The following CBY1 variants were observed in gnomAD, a reference collection of about 807,000 sequenced individuals.
The protein encoded by CBY1 is protein chibby homolog 1.
CBY1 carries 10 observed loss-of-function variants against 15.6 expected under a neutral mutation model. The observed-to-expected ratio is 0.64, with a 90% CI of 0.40 to 1.09. The LOEUF (loss-of-function observed/expected upper bound fraction) is 1.09, where lower values mean the gene tolerates loss of function less well. CBY1 is among the 50% of genes least tolerant of loss of function. The pLI is 0.01. For synonymous variants in CBY1, 61 were observed against 63.5 expected, an observed-to-expected ratio of 0.96 and a Z score of 0.19; for missense variants, 150 against 160.5, an observed-to-expected ratio of 0.93 and a Z score of 0.35.
At chr22:38,657,806 A>G (rs2092405358) in intron 1 of CBY1, among the ~76,000 whole-genome samples, 2 of 152,202 alleles carry the variant, frequency 1.3e-5, no homozygotes, top group South Asian at 4.1e-4. Context: ...GGCCCAGTGC[A>G]GTTAGCATCA....
At chr22:38,669,238 A>G (rs756447165) in intron 2 of CBY1, among the ~76,000 whole-genome samples, 11 of 152,080 alleles carry the variant, frequency 7.2e-5, no homozygotes, top group Non-Finnish European at 1.5e-4. Context: ...GGAGCAGCAC[A>G]AATGACCCTT....
chr22:38,668,402 C>T lies in CBY1; in HGVS notation c.78+270C>T, dbSNP rs781502320. 3 of 310,206 alleles carry T rather than the reference C, an allele frequency of 9.7e-6. No individual in the cohort carries two copies. In the Admixed American group the frequency reaches 1.5e-4, roughly 15 times the overall value. The allele number at this position is 310,206 out of a possible 1,614,324, so 19.2% of individuals were successfully genotyped here. Reference sequence around the variant, plus strand: ...TTTTCTTTTTTGAGATGGAGTCTCACTCCCGTCCCACAGGCTAGGGTGCAG... The same window carrying T: ...TTTTCTTTTTTGAGATGGAGTCTCATTCCCGTCCCACAGGCTAGGGTGCAG... On this transcript the variant is annotated intron_variant, in intron 2 of 4. Coordinates refer to ENST00000216029, the MANE Select transcript of CBY1 (RefSeq NM_015373.4).
At position 38,673,142 on chromosome 22, in the gene CBY1, C is replaced by T. The variant is rs528214176; in HGVS notation, c.304-17C>T. On this transcript the variant is annotated splice_polypyrimidine_tract_variant and intron_variant, in intron 4 of 4. Coordinates refer to ENST00000216029, the MANE Select transcript of CBY1 (RefSeq NM_015373.4). ...TAGAAATGTGCTGCTTGCTAACAGC[C>T]GCTGCTTCACTTTCAGCTTTCAGAG... 86 of 1,588,042 alleles carry T rather than the reference C, an allele frequency of 5.4e-5. No individual in the cohort carries two copies. The East Asian group carries it at 1.5e-3, about 28-fold the overall frequency.
chr22:38,659,465 G>T (rs1237503108), intron 1 of CBY1, among the ~76,000 whole-genome samples: 1 of 152,024 alleles, frequency 6.6e-6, no homozygotes, highest in Non-Finnish European at 1.5e-5. Flanking sequence ...GGCCAGGCTG[G>T]TCTCAAACTC....
At chr22:38,664,480 A>AG (rs2092430760) in intron 1 of CBY1, among the ~76,000 whole-genome samples, 2 of 151,878 alleles carry the variant, frequency 1.3e-5, no homozygotes, top group Admixed American at 6.6e-5. Flanking sequence ...CAAAAAAAAA[A>AG]AAAAAAAGCA....
intron 1 of CBY1, among the ~76,000 whole-genome samples, chr22:38,662,466 TATC>T (rs1176372201): frequency 6.6e-6 from 1 of 151,650 alleles, no homozygotes; most frequent in Non-Finnish European, 1.5e-5. Context: ...TAACAGAAAA[TATC>T]ATCATGACCT....
chr22:38,667,057 C>T, intron 1 of CBY1, among the ~76,000 whole-genome samples: 1 of 151,484 alleles, frequency 6.6e-6, no homozygotes. Flanking sequence ...TTGACTCAGG[C>T]TGGAGTGCAG....
At chr22:38,658,037 GTTCA>G (rs1355301736) in intron 1 of CBY1, among the ~76,000 whole-genome samples, 1 of 151,974 alleles carries the variant, frequency 6.6e-6, no homozygotes, top group Non-Finnish European at 1.5e-5. Context: ...AAAATGACAA[GTTCA>G]TTCAAGTCAG....
chr22:38,660,658 A>G (rs1265943128), intron 1 of CBY1, among the ~76,000 whole-genome samples: 1 of 152,102 alleles, frequency 6.6e-6, no homozygotes, highest in African/African-American at 2.4e-5. Context: ...AGACGCATAT[A>G]CACCTTCAGC....
chr22:38,667,077 C>A (rs753756397), intron 1 of CBY1, among the ~76,000 whole-genome samples: 3 of 151,800 alleles, frequency 2.0e-5, no homozygotes, highest in Non-Finnish European at 4.4e-5. Context: ...GTGGCATGAT[C>A]ATAGCTCACT....
At chr22:38,663,740 G>A (rs1346142078) in intron 1 of CBY1, among the ~76,000 whole-genome samples, 4 of 150,202 alleles carry the variant, frequency 2.7e-5, no homozygotes, top group African/African-American at 9.8e-5. Flanking sequence ...AGCAAAAAGA[G>A]GTCGGGCGCA....
intron 2 of CBY1, 23 bp from the exon 3 acceptor site, chr22:38,670,861 G>C: frequency 6.4e-7 from 1 of 1,573,606 alleles, no homozygotes; most frequent in Non-Finnish European, 8.7e-7. Context: ...TGCTGAAGTT[G>C]TCACATAGCA....
chr22:38,662,954 T>G (rs1444114303), intron 1 of CBY1, among the ~76,000 whole-genome samples: 3 of 151,954 alleles, frequency 2.0e-5, no homozygotes, highest in Non-Finnish European at 4.4e-5. Context: ...ACACCATCTC[T>G]GCTAAAAGTA....
chr22:38,660,966 C>G (rs867539164), intron 1 of CBY1, among the ~76,000 whole-genome samples: 1 of 152,058 alleles, frequency 6.6e-6, no homozygotes, highest in East Asian at 1.9e-4. Context: ...TTTCTCTTCT[C>G]CAGCAGAAAC....
intron 2 of CBY1, chr22:38,668,812 G>GT (rs2092444390): frequency 1.3e-5 from 2 of 152,540 alleles, no homozygotes. Context: ...CAGGTTTCAG[G>GT]TCTTAAGAGT....
Position 38,671,093 on chromosome 22 carries a change from G to A in CBY1, c.208G>A (p.Asp70Asn). The A allele has an allele frequency of 6.2e-7, 1 of 1,614,230 alleles. No individual in the cohort carries two copies. Among genetic ancestry groups the A allele is most frequent in the Non-Finnish European group, 8.5e-7 (1 of 1,180,016 alleles). ...AGAGACAGGGGTTAGTGGCGGTGTGGACCGGAGGGAGGTTCAGCGCCTTCG... is the reference window on the plus strand; with the variant it reads ...AGAGACAGGGGTTAGTGGCGGTGTGAACCGGAGGGAGGTTCAGCGCCTTCG... ...IAETGVSGGV[D>N]RREVQRLRRR... is the part of the protein sequence containing the mutation. Residue 70 changes from aspartate (D) to asparagine (N), a missense_variant, in exon 4 of 5, where the codon GAC (aspartate) becomes AAC (asparagine). By Grantham distance (23) the Asp-to-Asn change is conservative (BLOSUM62 1). Coordinates refer to ENST00000216029, the MANE Select transcript of CBY1 (RefSeq NM_015373.4).
chr22:38,664,746 G>T (rs1407021523), intron 1 of CBY1, among the ~76,000 whole-genome samples: 1 of 152,132 alleles, frequency 6.6e-6, no homozygotes, highest in Non-Finnish European at 1.5e-5. Flanking sequence ...CTAAATATAT[G>T]AATGCTCTGT....
intron 1 of CBY1, among the ~76,000 whole-genome samples, chr22:38,663,338 C>T (rs2092426943): frequency 6.6e-6 from 1 of 151,734 alleles, no homozygotes; most frequent in Non-Finnish European, 1.5e-5. Context: ...GCCTATAGTC[C>T]TAGCTACCTG....
intron 1 of CBY1, among the ~76,000 whole-genome samples, chr22:38,658,257 C>T (rs1179609707): frequency 4.0e-5 from 6 of 151,746 alleles, no homozygotes; most frequent in Admixed American, 6.6e-5. Context: ...TCCTGAGTAT[C>T]TGGGACAACT....
Sources: gnomAD v4.1 joint callset for allele counts (sites outside exome capture counted in the v4.1 genomes callset) on GRCh38, gnomAD v4.1.1 for gene constraint, MANE v1.5 for transcripts, NCBI Gene and HGNC (gene_info 2026-07-23, HGNC 2026-07-21) for gene names.